Variants in FOCAD observed in about 807,000 individuals in gnomAD.
FOCAD encodes the protein focadhesin.
Under a neutral mutation model 225.6 loss-of-function variants are expected in FOCAD, and 198 were observed. The observed-to-expected ratio is 0.88, with a 90% CI of 0.78 to 0.99. The LOEUF (loss-of-function observed/expected upper bound fraction) is 0.99, where lower values mean the gene tolerates loss of function less well. Ranked by LOEUF, FOCAD falls within the 50% of genes least tolerant of loss-of-function variation. FOCAD has a pLI of 0.00. For synonymous variants in FOCAD, 897 were observed against 755.0 expected (o/e 1.19, Z -3.08); for missense variants, 2,713 against 2,123.6 (o/e 1.28, Z -5.46).
intron 18 of FOCAD, among the ~76,000 whole-genome samples, chr9:20,867,391 T>G (rs1829382190): frequency 6.6e-6 from 1 of 151,922 alleles, no homozygotes; most frequent in Admixed American, 6.6e-5. Flanking sequence ...TGATAAACAA[T>G]GGGATGCCAT....
rs1245737300 is a variant in FOCAD, at chr9:20,791,219, GCACACACACACACACACTCACACA to G, written c.1455+1629_1455+1652del. On this transcript the variant is annotated intron_variant, in intron 11 of 43. Transcript: ENST00000338382. ...ATATTGCATCTATATATATATGCATGCACACACACACACACACTCACACACACACACACACACACACACAGGAAA... is the reference window on the plus strand; with the variant it reads ...ATATTGCATCTATATATATATGCATGCACACACACACACACACACAGGAAA... Among the ~76,000 whole-genome samples the G allele has an allele frequency of 6.6e-5, 7 of 106,838 alleles. No homozygotes were observed. The East Asian group carries it at 1.8e-3, about 27-fold the overall frequency. The allele number at this position is 106,838 out of a possible 152,430, so 70.1% of individuals were successfully genotyped here. A position where few individuals can be genotyped will look rare whatever the true frequency, so the allele number is the denominator to read the frequency against.
chr9:20,918,349 A>C (rs1834046462), intron 24 of FOCAD, among the ~76,000 whole-genome samples: 1 of 152,224 alleles, frequency 6.6e-6, no homozygotes, highest in South Asian at 2.1e-4. Flanking sequence ...ACAAAGTATC[A>C]CTTCGTGACT....
intron 11 of FOCAD, among the ~76,000 whole-genome samples, chr9:20,801,249 A>G (rs1336929534): frequency 6.6e-6 from 1 of 152,190 alleles, no homozygotes; most frequent in East Asian, 1.9e-4. Context: ...GAAAAGCGTT[A>G]CATGGGATAA....
At chr9:20,986,548 TA>T (rs1841191576) in intron 40 of FOCAD, 83 bp downstream of exon 40, 1 of 1,282,446 alleles carries the variant, frequency 7.8e-7, no homozygotes, top group Admixed American at 2.9e-5. Flanking sequence ...GTTCTCAACT[TA>T]AAAATTAGTT....
At position 20,912,873 on chromosome 9, in the gene FOCAD, T is replaced by G; in HGVS notation, c.2726T>G (p.Leu909Arg). The change falls in exon 23 of 44, where the codon CTA becomes CGA. Residue 909 changes from leucine to arginine, a missense_variant. Leu to Arg is a moderately radical substitution (Grantham distance 102, BLOSUM62 -2). Transcript: ENST00000338382. ...ATGCTGTGATTTTTGCAGGGAAGACTAGGAGAGCTGGAGTTGCAGTTAAAA... is the reference window on the plus strand; with the variant it reads ...ATGCTGTGATTTTTGCAGGGAAGACGAGGAGAGCTGGAGTTGCAGTTAAAA... ...RAYHAILQGR[L>R]GELELQLKHG... The G allele has an allele frequency of 8.7e-6, 14 of 1,613,014 alleles. No homozygotes were observed. The highest frequency in any genetic ancestry group is 1.2e-5 in the Non-Finnish European group (14 of 1,179,344).
At chr9:20,941,026 G>A (rs1836604245) in intron 28 of FOCAD, among the ~76,000 whole-genome samples, 1 of 151,892 alleles carries the variant, frequency 6.6e-6, no homozygotes, top group South Asian at 2.1e-4. Context: ...CCTGACTCAT[G>A]ATTTAAAGTA....
chr9:20,994,131 T>C (rs1841887674), intron 43 of FOCAD, among the ~76,000 whole-genome samples: 1 of 152,246 alleles, frequency 6.6e-6, no homozygotes, highest in African/African-American at 2.4e-5. Context: ...TTATAAGTAG[T>C]GTTTTTAATG....
At chr9:20,743,635 C>A (rs1156236304) in intron 5 of FOCAD, among the ~76,000 whole-genome samples, 1 of 152,122 alleles carries the variant, frequency 6.6e-6, no homozygotes, top group Non-Finnish European at 1.5e-5. Flanking sequence ...ACTTGTCTTG[C>A]ATAAGAACCA....
intron 26 of FOCAD, chr9:20,928,981 G>T (rs1023376791): frequency 6.3e-6 from 1 of 157,848 alleles, no homozygotes; most frequent in Non-Finnish European, 1.4e-5. Flanking sequence ...TCCAAGCTCA[G>T]ATAGCTTCAG....
intron 28 of FOCAD, among the ~76,000 whole-genome samples, chr9:20,937,707 AG>A (rs1564176924): frequency 6.6e-6 from 1 of 152,030 alleles, no homozygotes; most frequent in Non-Finnish European, 1.5e-5. Flanking sequence ...AGCAATGTCA[AG>A]AAAGGCCAAA....
chr9:20,930,066 G>A (rs1171980465), intron 27 of FOCAD, among the ~76,000 whole-genome samples: 3 of 152,050 alleles, frequency 2.0e-5, no homozygotes, highest in South Asian at 2.1e-4. Context: ...ACATGTACCC[G>A]GCTTTAAATA....
intron 3 of FOCAD, among the ~76,000 whole-genome samples, chr9:20,719,195 T>G (rs991548394): frequency 6.6e-6 from 1 of 152,040 alleles, no homozygotes; most frequent in South Asian, 2.1e-4. Flanking sequence ...AGTTCTCATA[T>G]CTCAGCCTCC....
At chr9:20,675,945 T>G (rs532371356) in intron 2 of FOCAD, among the ~76,000 whole-genome samples, 2 of 152,330 alleles carry the variant, frequency 1.3e-5, no homozygotes, top group East Asian at 3.9e-4. Flanking sequence ...TTAGCCTCTA[T>G]GAATCGTCTG....
intron 18 of FOCAD, among the ~76,000 whole-genome samples, chr9:20,871,063 A>G (rs144264015): frequency 1.6e-3 from 239 of 151,798 alleles, no homozygotes; most frequent in Non-Finnish European, 2.8e-3. Flanking sequence ...ACTAGCCGGG[A>G]GTGGTGGTGC....
At chr9:20,788,656 T>G (rs1490283497) in intron 10 of FOCAD, among the ~76,000 whole-genome samples, 1 of 152,218 alleles carries the variant, frequency 6.6e-6, no homozygotes, top group Non-Finnish European at 1.5e-5. Flanking sequence ...TGTCTAATGA[T>G]TCTTTAACGT....
chr9:20,807,966 G>A (rs1434546552), intron 11 of FOCAD, among the ~76,000 whole-genome samples: 3 of 151,942 alleles, frequency 2.0e-5, no homozygotes, highest in Non-Finnish European at 2.9e-5. Context: ...CATGAGAATC[G>A]CTTGAACCCA....
intron 40 of FOCAD, among the ~76,000 whole-genome samples, chr9:20,986,892 A>G (rs917115024): frequency 6.6e-6 from 1 of 152,228 alleles, no homozygotes; most frequent in Non-Finnish European, 1.5e-5. Flanking sequence ...CTTCTCTGGG[A>G]TGAGAATAAT....
intron 6 of FOCAD, among the ~76,000 whole-genome samples, chr9:20,759,713 C>A (rs1172521273): frequency 6.6e-6 from 1 of 152,152 alleles, no homozygotes; most frequent in East Asian, 1.9e-4. Context: ...AGAAAAAAAT[C>A]TACCAGATTT....
rs575850798 is a variant in FOCAD at position 20,938,058 on chromosome 9, A to G, written c.3407+4955A>G. Among the ~76,000 whole-genome samples the G allele has an allele frequency of 7.2e-5, 11 of 152,242 alleles. No homozygotes were observed. The East Asian group carries it at 1.4e-3, about 19-fold the overall frequency. On this transcript the variant is annotated intron_variant, in intron 28 of 43. Coordinates refer to ENST00000338382, the MANE Select transcript of FOCAD (RefSeq NM_001375567.1). ...CCATCTCACACCAGTTAGAATGGCA[A>G]TCATTAAAAAGTCAGGAAACAACAG... is the stretch of plus-strand genomic sequence containing the variant.
Sources: gnomAD v4.1 joint callset for allele counts (sites outside exome capture counted in the v4.1 genomes callset) on GRCh38, gnomAD v4.1.1 for gene constraint, MANE v1.5 for transcripts, NCBI Gene and HGNC (gene_info 2026-07-23, HGNC 2026-07-21) for gene names.